The following MMP16 variants were observed in gnomAD, a reference collection of about 807,000 sequenced individuals.
MMP16 encodes the protein matrix metalloproteinase-16.
MMP16 carries 12 observed loss-of-function variants against 67.8 expected under a neutral mutation model. The observed-to-expected ratio is 0.18, with a 90% CI of 0.11 to 0.29. The LOEUF (loss-of-function observed/expected upper bound fraction) is 0.29, where lower values mean the gene tolerates loss of function less well. Ranked by LOEUF, MMP16 falls within the 10% of genes least tolerant of loss-of-function variation. MMP16 has a pLI of 1.00. For synonymous variants in MMP16, 249 were observed against 255.9 expected, an observed-to-expected ratio of 0.97 and a Z score of 0.26; for missense variants, 475 against 765.7, an observed-to-expected ratio of 0.62 and a Z score of 4.48.
At position 88,262,846 on chromosome 8, in the gene MMP16, CAAAAAAAAAAA is replaced by C. The variant is rs71277991; in HGVS notation, c.132+64218_132+64228del. 2.6e-4 allele frequency among the ~76,000 whole-genome samples: 14 copies of C among 53,472 alleles called. No individual in the cohort carries two copies. The South Asian group carries it at 5.4e-3, about 21-fold the overall frequency. 35.1% of individuals were successfully genotyped at this position (53,472 alleles called of 152,430 possible). ...TGAAACCCCGTCTCTACTAAAAATA[CAAAAAAAAAAA>C]AAAAAAAAAAAAAAAAAATTAGCCG... On this transcript the variant is annotated intron_variant, in intron 1 of 9. Coordinates refer to ENST00000286614, the MANE Select transcript of MMP16 (RefSeq NM_005941.5).
Position 88,109,796 on chromosome 8 carries a change from CAT to C in MMP16, c.1083+6709_1083+6710del, listed in dbSNP as rs531869821. ...TCAATATAAAAAAGATAAATTATAA[CAT>C]ATATAAAACACAGAAAAACAGACAT... is the stretch of plus-strand genomic sequence containing the variant. On this transcript the variant is annotated intron_variant, in intron 6 of 9. Transcript: ENST00000286614. Among the ~76,000 whole-genome samples the C allele has an allele frequency of 2.6e-3, 386 of 151,140 alleles. 3 individuals are homozygous for C. The highest frequency in any genetic ancestry group is 8.4e-3 in the African/African-American group (348 of 41,384).
chr8:88,074,756 C>G lies in MMP16; in HGVS notation c.1084-13G>C. ...AAAACCACTGGTCCTGCAAACCAAG[C>G]AAAGGCATCTCTCAACAAACACGTA... On this transcript the variant is annotated splice_polypyrimidine_tract_variant and intron_variant, in intron 6 of 9. Coordinates refer to ENST00000286614, the MANE Select transcript of MMP16 (RefSeq NM_005941.5). 1 of 1,609,892 alleles carries G rather than the reference C, an allele frequency of 6.2e-7. No individual in the cohort carries two copies. Among genetic ancestry groups the G allele is most frequent in the Non-Finnish European group, 8.5e-7 (1 of 1,177,684 alleles).
At chr8:88,264,470 G>A (rs1299277058) in intron 1 of MMP16, among the ~76,000 whole-genome samples, 1 of 152,138 alleles carries the variant, frequency 6.6e-6, no homozygotes, top group African/African-American at 2.4e-5. Flanking sequence ...TGAGGAGCTA[G>A]GGTTACAGAT....
intron 4 of MMP16, among the ~76,000 whole-genome samples, chr8:88,153,039 AC>A (rs1448176153): frequency 8.2e-6 from 1 of 122,520 alleles, no homozygotes; most frequent in Non-Finnish European, 1.7e-5. Context: ...AAATCAATGT[AC>A]AAAAATCACA....
intron 8 of MMP16, among the ~76,000 whole-genome samples, chr8:88,053,728 T>C (rs528019774): frequency 1.6e-4 from 25 of 152,300 alleles, no homozygotes; most frequent in South Asian, 1.0e-3. Context: ...ATAACTGCTG[T>C]TCACTCTGGA....
Position 88,098,869 on chromosome 8 carries a change from T to A in MMP16, c.1083+17638A>T, listed in dbSNP as rs1027732715. 2.0e-5 allele frequency among the ~76,000 whole-genome samples: 3 copies of A among 152,048 alleles called. No homozygotes were observed. The South Asian group carries it at 6.2e-4, about 31-fold the overall frequency. On this transcript the variant is annotated intron_variant, in intron 6 of 9. Transcript: ENST00000286614. The stretch of plus-strand genomic sequence containing the variant: ...ATGGCTAAACTTGCAAAAATTTTTA[T>A]ATGTTGATAAAACTATATGATCACT...
In MMP16 at chr8:88,327,368, CT is replaced by C; in HGVS notation, c.-163del. The C allele has an allele frequency of 1.3e-6, 1 of 783,662 alleles. No individual in the cohort carries two copies. The highest frequency in any genetic ancestry group is 2.8e-5 in the East Asian group (1 of 36,154). The allele number at this position is 783,662 out of a possible 1,614,324, so 48.5% of individuals were successfully genotyped here. On this transcript the variant is annotated 5_prime_UTR_variant, in exon 1 of 10. Coordinates refer to ENST00000286614, the MANE Select transcript of MMP16 (RefSeq NM_005941.5). ...AAGGGGAGGAGACAGGGGCCCCGCGCTCGGCAGCCCCCGAGAGGCAGCGGCG... is the reference window on the plus strand; with the variant it reads ...AAGGGGAGGAGACAGGGGCCCCGCGCCGGCAGCCCCCGAGAGGCAGCGGCG...
chr8:88,151,542 A>G (rs1808407804), intron 4 of MMP16, among the ~76,000 whole-genome samples: 2 of 144,834 alleles, frequency 1.4e-5, no homozygotes, highest in South Asian at 4.7e-4. Flanking sequence ...TCAAACTAGA[A>G]CTCAGGATTA....
intron 1 of MMP16, among the ~76,000 whole-genome samples, chr8:88,202,080 C>A (rs2129793802): frequency 6.6e-6 from 1 of 152,256 alleles, no homozygotes; most frequent in South Asian, 2.1e-4. Context: ...TAAATGGGCT[C>A]TAAATCACCA....
intron 6 of MMP16, among the ~76,000 whole-genome samples, chr8:88,111,820 G>A (rs1406754204): frequency 6.6e-6 from 1 of 151,666 alleles, no homozygotes; most frequent in Non-Finnish European, 1.5e-5. Flanking sequence ...ATGAAATTGA[G>A]CCATACTCCA....
intron 6 of MMP16, among the ~76,000 whole-genome samples, chr8:88,082,377 A>T (rs1285482808): frequency 6.6e-6 from 1 of 152,140 alleles, no homozygotes; most frequent in Admixed American, 6.6e-5. Context: ...TAATAGCATG[A>T]CATACATATT....
intron 1 of MMP16, among the ~76,000 whole-genome samples, chr8:88,316,346 TGGC>T (rs1417816778): frequency 6.6e-6 from 1 of 152,154 alleles, no homozygotes; most frequent in East Asian, 1.9e-4. Context: ...AGTCAGTGCC[TGGC>T]ATCAGAGCTT....
chr8:88,130,721 C>T (rs1361280926), intron 4 of MMP16, among the ~76,000 whole-genome samples: 1 of 151,004 alleles, frequency 6.6e-6, no homozygotes, highest in Non-Finnish European at 1.5e-5. Context: ...GGATACATGA[C>T]TTGGATGGGA....
intron 9 of MMP16, 39 bp downstream of exon 9, chr8:88,046,630 T>C (rs748048886): frequency 7.4e-7 from 1 of 1,349,330 alleles, no homozygotes; most frequent in Non-Finnish European, 1.0e-6. Flanking sequence ...GTTACTAAGA[T>C]AGCAAACTTA....
intron 6 of MMP16, among the ~76,000 whole-genome samples, chr8:88,112,675 G>GTGTGTGTGTGTGTGTGTGTC (rs774333204): frequency 2.5e-4 from 37 of 148,738 alleles, no homozygotes; most frequent in East Asian, 6.0e-4. Context: ...GGGTGTGTGT[G>GTGTGTGTGTGTGTGTGTGTC]TGTGTGTGTC....
intron 4 of MMP16, among the ~76,000 whole-genome samples, chr8:88,142,195 C>T (rs1163890390): frequency 1.3e-5 from 2 of 152,132 alleles, no homozygotes; most frequent in African/African-American, 4.8e-5. Context: ...CAGGCGTGAG[C>T]CACCATGCCC....
At chr8:88,302,073 T>C (rs2130045054) in intron 1 of MMP16, among the ~76,000 whole-genome samples, 1 of 152,290 alleles carries the variant, frequency 6.6e-6, no homozygotes, top group South Asian at 2.1e-4. Context: ...AAAGTCCCAT[T>C]TTCTATTCTG....
At chr8:88,095,517 G>T (rs1809011424) in intron 6 of MMP16, among the ~76,000 whole-genome samples, 1 of 151,912 alleles carries the variant, frequency 6.6e-6, no homozygotes, top group Middle Eastern at 3.4e-3. Context: ...GAACTGACAA[G>T]TTTCCAACTC....
At chr8:88,182,785 T>C (rs1243962191) in intron 3 of MMP16, among the ~76,000 whole-genome samples, 1 of 151,754 alleles carries the variant, frequency 6.6e-6, no homozygotes, top group Non-Finnish European at 1.5e-5. Flanking sequence ...TCTTCATAAT[T>C]TCCCCAAACT....
Sources: allele counts gnomAD v4.1 joint callset (sites outside exome capture counted in the v4.1 genomes callset), GRCh38; gene constraint gnomAD v4.1.1; transcripts MANE v1.5; gene names NCBI Gene and HGNC (gene_info 2026-07-23, HGNC 2026-07-21).